ARHGEF3: variants seen among roughly 807,000 people sequenced by gnomAD.
The protein encoded by ARHGEF3 is Rho guanine nucleotide exchange factor 3.
A neutral mutation model predicts 63.2 loss-of-function variants in ARHGEF3; 28 were observed. The ratio of observed to expected loss-of-function variants is 0.44; its 90% CI spans 0.33 to 0.61. The LOEUF (loss-of-function observed/expected upper bound fraction) is 0.61, where lower values mean the gene tolerates loss of function less well. Among genes scored for constraint, ARHGEF3 ranks in the 20% least tolerant of loss-of-function variants. The probability of loss-of-function intolerance (pLI) is 0.03; values close to 1 mark genes in which losing one functional copy is unlikely to be tolerated. For synonymous variants in ARHGEF3, 266 were observed against 254.2 expected (o/e 1.05, Z -0.44); for missense variants, 533 against 659.3 (o/e 0.81, Z 2.10).
chr3:56,774,327 G>A (rs1160464719), intron 1 of ARHGEF3, among the ~76,000 whole-genome samples: 1 of 151,918 alleles, frequency 6.6e-6, no homozygotes, highest in Non-Finnish European at 1.5e-5. Context: ...TAAAAAAGAA[G>A]TTCTATTACT....
At chr3:56,995,642 AGAGAGAGAG>A (rs1334053853) in intron 2 of ARHGEF3, among the ~76,000 whole-genome samples, 1 of 100,590 alleles carries the variant, frequency 9.9e-6, no homozygotes, top group Non-Finnish European at 2.1e-5. Flanking sequence ...AGAGAGAGAG[AGAGAGAGAG>A]AGAGAGAGAG....
rs1703993156 is a variant in ARHGEF3, at chr3:57,037,052, G to T, written c.-27-1876C>A. 2.6e-5 allele frequency among the ~76,000 whole-genome samples: 4 copies of T among 152,190 alleles called. No homozygotes were observed. In the South Asian group the frequency reaches 8.3e-4, roughly 32 times the overall value. ...AGTGCCGGTCTTTAACTTGCAAAAA[G>T]CACACCATGAAATATTTTTAGCATC... is the stretch of plus-strand genomic sequence containing the variant. On this transcript the variant is annotated intron_variant, in intron 1 of 12. Coordinates refer to the ARHGEF3 transcript ENST00000338458.
Position 57,038,618 on chromosome 3 carries a change from A to T in ARHGEF3, c.-27-3442T>A, listed in dbSNP as rs545156552. ...ATTACCACACCTGGCTCATTTTTTT[A>T]ATTTTTTGTAGAGATGGGGTCTTGC... On this transcript the variant is annotated intron_variant, in intron 1 of 12. Coordinates refer to the ARHGEF3 transcript ENST00000338458. Among the ~76,000 whole-genome samples the T allele has an allele frequency of 8.6e-5, 13 of 151,724 alleles. No individual in the cohort carries two copies. The East Asian group carries it at 2.5e-3, about 29-fold the overall frequency.
At chr3:56,865,930 T>C (rs2040235228) in intron 4 of ARHGEF3, among the ~76,000 whole-genome samples, 1 of 152,128 alleles carries the variant, frequency 6.6e-6, no homozygotes, top group African/African-American at 2.4e-5. Context: ...AGACATCCTA[T>C]TCAAAATGCA....
intron 3 of ARHGEF3, chr3:56,916,375 G>A (rs1175889542): frequency 3.9e-6 from 6 of 1,533,516 alleles, no homozygotes; most frequent in East Asian, 4.9e-5. Context: ...CGGACTCACC[G>A]GCTCCTAACT....
intron 4 of ARHGEF3, among the ~76,000 whole-genome samples, chr3:56,848,784 C>CA (rs1471445884): frequency 2.0e-5 from 3 of 152,172 alleles, no homozygotes; most frequent in Non-Finnish European, 4.4e-5. Flanking sequence ...TCTCCTGCCT[C>CA]AGCTTCCCGA....
intron 2 of ARHGEF3, among the ~76,000 whole-genome samples, chr3:56,770,450 A>AAATTAAAT (rs1559923630): frequency 8.5e-6 from 1 of 118,192 alleles, no homozygotes; most frequent in African/African-American, 4.3e-5. Flanking sequence ...TTAAATTAAA[A>AAATTAAAT]TAAAATGAAA....
At chr3:57,015,484 A>T (rs932122182) in intron 2 of ARHGEF3, among the ~76,000 whole-genome samples, 34 of 151,860 alleles carry the variant, frequency 2.2e-4, no homozygotes, top group African/African-American at 7.7e-4. Context: ...CCCAGGCTGG[A>T]GTGCAGTTGC....
intron 7 of ARHGEF3, among the ~76,000 whole-genome samples, chr3:56,741,167 A>G (rs959587619): frequency 6.8e-6 from 1 of 147,324 alleles, no homozygotes; most frequent in African/African-American, 2.5e-5. Context: ...TGAGAATCTT[A>G]TCTCTCTGCT....
intron 4 of ARHGEF3, 96 bp downstream of exon 4, chr3:56,753,408 T>A: frequency 9.4e-7 from 1 of 1,068,032 alleles, no homozygotes; most frequent in Non-Finnish European, 1.4e-6. Context: ...GTCTTAGTCA[T>A]AAAGACAGTT....
intron 4 of ARHGEF3, among the ~76,000 whole-genome samples, chr3:56,839,695 A>G (rs1246411561): frequency 6.6e-6 from 1 of 152,148 alleles, no homozygotes; most frequent in Non-Finnish European, 1.5e-5. Flanking sequence ...CCTATCCCCA[A>G]ATCTCAAGGG....
intron 3 of ARHGEF3, among the ~76,000 whole-genome samples, chr3:56,883,767 C>A (rs1347879517): frequency 6.6e-6 from 1 of 152,122 alleles, no homozygotes; most frequent in Non-Finnish European, 1.5e-5. Context: ...AAGAAAGCTA[C>A]CAGAAGACCA....
intron 2 of ARHGEF3, among the ~76,000 whole-genome samples, chr3:57,007,541 G>A (rs1032783703): frequency 1.3e-5 from 2 of 152,052 alleles, no homozygotes; most frequent in Admixed American, 6.6e-5. Flanking sequence ...GCTTTGACCC[G>A]AACACACAAT....
chr3:56,968,032 A>C (rs1352555791), intron 2 of ARHGEF3, among the ~76,000 whole-genome samples: 370 of 24,646 alleles, frequency 0.015, 5 homozygotes, highest in African/African-American at 0.053. Context: ...ATATATATTT[A>C]ATATATATAA....
intron 4 of ARHGEF3, among the ~76,000 whole-genome samples, chr3:56,868,154 A>T (rs2040318458): frequency 6.6e-6 from 1 of 152,096 alleles, no homozygotes; most frequent in Non-Finnish European, 1.5e-5. Flanking sequence ...AGATGTAAAA[A>T]ACCCTAGTGA....
At position 56,918,942 on chromosome 3, in the gene ARHGEF3, G is replaced by T. The variant is rs569044471; in HGVS notation, c.130-36588C>A. Among the ~76,000 whole-genome samples the T allele has an allele frequency of 3.3e-5, 5 of 152,214 alleles. No homozygotes were observed. The South Asian group carries it at 6.2e-4, about 19-fold the overall frequency. On this transcript the variant is annotated intron_variant, in intron 3 of 12. Transcript: ENST00000338458. ...AAGTAAAAAGTGAGTCTTCCCAAAG[G>T]CCCTACTTTTTTTTCTATCCCGATC... is the stretch of plus-strand genomic sequence containing the variant.
intron 2 of ARHGEF3, among the ~76,000 whole-genome samples, chr3:57,015,218 A>G (rs1702940490): frequency 6.6e-6 from 1 of 152,212 alleles, no homozygotes; most frequent in Non-Finnish European, 1.5e-5. Context: ...ACCTGCAGAC[A>G]CATGGTAACA....
intron 2 of ARHGEF3, among the ~76,000 whole-genome samples, chr3:56,759,972 G>A (rs2035327561): frequency 6.6e-6 from 1 of 152,078 alleles, no homozygotes; most frequent in Non-Finnish European, 1.5e-5. Flanking sequence ...CTTTTTAATG[G>A]CTGCAGAATT....
intron 3 of ARHGEF3, among the ~76,000 whole-genome samples, chr3:56,951,296 G>GA (rs1297158131): frequency 6.6e-6 from 1 of 150,556 alleles, no homozygotes; most frequent in Non-Finnish European, 1.5e-5. Flanking sequence ...AGAAAGGAAA[G>GA]AAAAAAAAGA....
Sources: gnomAD v4.1 joint callset for allele counts (sites outside exome capture counted in the v4.1 genomes callset) on GRCh38, gnomAD v4.1.1 for gene constraint, MANE v1.5 for transcripts, NCBI Gene and HGNC (gene_info 2026-07-23, HGNC 2026-07-21) for gene names.